The following RAB33A variants were observed in gnomAD, a reference collection of about 807,000 sequenced individuals.
RAB33A encodes ras-related protein Rab-33A.
In RAB33A, 6 loss-of-function variants were observed where a neutral mutation model predicts 12.0. That is an observed-to-expected ratio of 0.50 (90% CI 0.27 to 0.99). The LOEUF is 0.99. RAB33A is among the 50% of genes least tolerant of loss of function. The pLI is 0.11. For synonymous variants in RAB33A, 70 were observed against 82.4 expected, an observed-to-expected ratio of 0.85 and a Z score of 0.81; for missense variants, 109 against 192.0, an observed-to-expected ratio of 0.57 and a Z score of 2.55.
At chrX:130,169,925 C>A (rs1603233968), upstream of RAB33A, among the ~76,000 whole-genome samples, 2 of 112,096 alleles carry the variant, frequency 1.8e-5, no homozygotes, top group Non-Finnish European at 3.8e-5. Flanking sequence ...TCATCAGGGG[C>A]ATTAACTTCC....
At chrX:130,149,760 AAT>A in the RAB33A span, among the ~76,000 whole-genome samples, 3 of 112,430 alleles carry the variant, frequency 2.7e-5, no homozygotes, top group African/African-American at 9.7e-5. Context: ...GTATGGAAAA[AAT>A]ATGTGTAAGC....
chrX:130,153,245 C>T, the RAB33A span, among the ~76,000 whole-genome samples: 1 of 102,374 alleles, frequency 9.8e-6, no homozygotes, highest in African/African-American at 3.6e-5. Context: ...AGCTACTCCT[C>T]GGGAGGCTGA....
the RAB33A span, chrX:130,129,638 A>G: frequency 8.3e-7 from 1 of 1,201,748 alleles, no homozygotes. Context: ...TCTGAGGGAG[A>G]GAGAGTAACA....
At chrX:130,175,559 C>T (rs1169872370) in intron 1 of RAB33A, among the ~76,000 whole-genome samples, 1 of 102,068 alleles carries the variant, frequency 9.8e-6, no homozygotes, top group African/African-American at 3.7e-5. Flanking sequence ...TGCAATGGCA[C>T]GATCTCAGCT....
chrX:130,169,694 G>C (rs2031584555), upstream of RAB33A, among the ~76,000 whole-genome samples: 1 of 112,206 alleles, frequency 8.9e-6, no homozygotes, highest in Admixed American at 9.5e-5. Flanking sequence ...AGAAATCAAA[G>C]TTTCTTCCTT....
the RAB33A span, chrX:130,131,879 T>TG: frequency 9.5e-7 from 1 of 1,052,054 alleles, no homozygotes; most frequent in Non-Finnish European, 1.3e-6. Flanking sequence ...GACACTGCAT[T>TG]TTTTTTTTTT....
the RAB33A span, among the ~76,000 whole-genome samples, chrX:130,162,910 C>T: frequency 8.9e-6 from 1 of 111,796 alleles, no homozygotes; most frequent in Non-Finnish European, 1.9e-5. Flanking sequence ...CTTCAATCAT[C>T]TCTGGAAGGA....
the RAB33A span, among the ~76,000 whole-genome samples, chrX:130,153,854 A>T: frequency 1.8e-5 from 2 of 112,092 alleles, no homozygotes; most frequent in Admixed American, 1.9e-4. Context: ...CTATGAGAAA[A>T]TAAACCTCTG....
chrX:130,183,494 G>T (rs1464146162), intron 1 of RAB33A, among the ~76,000 whole-genome samples: 1 of 109,586 alleles, frequency 9.1e-6, no homozygotes, highest in East Asian at 2.9e-4. Flanking sequence ...GGCGGAGCTT[G>T]CAGTGAGCCG....
At chrX:130,151,434 C>T in the RAB33A span, among the ~76,000 whole-genome samples, 53,250 of 110,054 alleles carry the variant, frequency 0.48, 9,939 homozygotes, top group African/African-American at 0.67. Flanking sequence ...CCACCACACC[C>T]GGCCCCATAA....
At chrX:130,182,740 A>G (rs900287210) in intron 1 of RAB33A, among the ~76,000 whole-genome samples, 1 of 110,224 alleles carries the variant, frequency 9.1e-6, no homozygotes, top group Admixed American at 9.7e-5. Flanking sequence ...GGCAACAGGA[A>G]CGAAATTCTG....
chrX:130,171,933 C>T, upstream of RAB33A: 1 of 807,914 alleles, frequency 1.2e-6, no homozygotes, highest in Non-Finnish European at 1.7e-6. Context: ...CACGCACACA[C>T]GGGCGGACAC....
chrX:130,168,014 A>AT (rs1190605681), upstream of RAB33A, among the ~76,000 whole-genome samples: 23 of 104,539 alleles, frequency 2.2e-4, no homozygotes, highest in Middle Eastern at 4.7e-3. Flanking sequence ...CATCTCTACC[A>AT]TTTTTTTTTT....
chrX:130,183,196 C>T (rs1269169405), intron 1 of RAB33A, among the ~76,000 whole-genome samples: 2 of 108,791 alleles, frequency 1.8e-5, no homozygotes, highest in Admixed American at 2.0e-4. Context: ...GCATGAGCCA[C>T]TGTACCTGAC....
chrX:130,166,464 G>A, the RAB33A span, among the ~76,000 whole-genome samples: 1 of 112,312 alleles, frequency 8.9e-6, no homozygotes, highest in Non-Finnish European at 1.9e-5. Context: ...AAAAGCGTTC[G>A]TGCTTCTCGG....
At chrX:130,115,001 G>C in the RAB33A span, among the ~76,000 whole-genome samples, 2 of 110,344 alleles carry the variant, frequency 1.8e-5, no homozygotes, top group Admixed American at 9.8e-5. Flanking sequence ...ACAGGGTTTT[G>C]CCGTGTTTTC....
upstream of RAB33A, among the ~76,000 whole-genome samples, chrX:130,170,703 A>G (rs774318116): frequency 1.6e-4 from 18 of 112,520 alleles, no homozygotes; most frequent in African/African-American, 5.8e-4. Context: ...CTTCTGGCAA[A>G]TTAGACCCAA....
chrX:130,169,008 C>T (rs1293500796), upstream of RAB33A, among the ~76,000 whole-genome samples: 2 of 110,009 alleles, frequency 1.8e-5, no homozygotes, highest in African/African-American at 3.3e-5. Flanking sequence ...GAGATCGAGA[C>T]CAGCCTGGCT....
chrX:130,172,789 G>A (rs1250288552), intron 1 of RAB33A, among the ~76,000 whole-genome samples: 2 of 111,788 alleles, frequency 1.8e-5, no homozygotes, highest in Non-Finnish European at 3.8e-5. Context: ...AGGAAATGAT[G>A]GAAATCCATG....
Sources: gnomAD v4.1 joint callset for allele counts (sites outside exome capture counted in the v4.1 genomes callset) on GRCh38, gnomAD v4.1.1 for gene constraint, MANE v1.5 for transcripts, NCBI Gene and HGNC (gene_info 2026-07-23, HGNC 2026-07-21) for gene names.